MTHFD2L: variants seen among roughly 807,000 people sequenced by gnomAD.
MTHFD2L encodes the protein methylenetetrahydrofolate dehydrogenase (NADP+ dependent) 2 like.
A neutral mutation model predicts 34.9 loss-of-function variants in MTHFD2L; 29 were observed. That is an observed-to-expected ratio of 0.83 (90% CI 0.62 to 1.13). The LOEUF (loss-of-function observed/expected upper bound fraction) is 1.13. Among genes scored for constraint, MTHFD2L ranks in the 50% most tolerant of loss-of-function variants. MTHFD2L has a pLI of 0.00. For synonymous variants in MTHFD2L, 167 were observed against 155.7 expected, an observed-to-expected ratio of 1.07 and a Z score of -0.54; for missense variants, 481 against 446.5, an observed-to-expected ratio of 1.08 and a Z score of -0.70.
intron 6 of MTHFD2L, chr4:74,266,936 G>A: frequency 8.1e-6 from 8 of 985,326 alleles, no homozygotes; most frequent in Non-Finnish European, 9.6e-6. Context: ...CTGGCTTTCA[G>A]GAGGTACATC....
chr4:74,118,041 A>G (rs145620957), intron 2 of MTHFD2L, among the ~76,000 whole-genome samples: 1 of 152,298 alleles, frequency 6.6e-6, no homozygotes. Flanking sequence ...TATCCTATTT[A>G]CTGTTGTACT....
intron 6 of MTHFD2L, among the ~76,000 whole-genome samples, chr4:74,226,904 A>T (rs1739258028): frequency 6.6e-6 from 1 of 152,186 alleles, no homozygotes; most frequent in Non-Finnish European, 1.5e-5. Flanking sequence ...ATGAAACTGG[A>T]TGAAGGAATA....
chr4:74,175,505 T>A (rs1712004843), intron 3 of MTHFD2L, 102 bp downstream of exon 3: 8 of 1,246,610 alleles, frequency 6.4e-6, no homozygotes. Flanking sequence ...TAAAATACAT[T>A]CAGAAGGAGA....
chr4:74,130,879 C>T (rs1293511662), intron 1 of MTHFD2L, among the ~76,000 whole-genome samples: 1 of 152,142 alleles, frequency 6.6e-6, no homozygotes, highest in Admixed American at 6.6e-5. Context: ...TTATCAGCAA[C>T]TTCAGCAAAG....
chr4:74,260,027 C>T (rs979234415), intron 6 of MTHFD2L, among the ~76,000 whole-genome samples: 1 of 152,158 alleles, frequency 6.6e-6, no homozygotes, highest in Admixed American at 6.5e-5. Context: ...TATGATCATG[C>T]TCCACTACAG....
intron 6 of MTHFD2L, chr4:74,241,537 A>G (rs1290378931): frequency 1.4e-5 from 6 of 435,658 alleles, no homozygotes; most frequent in Admixed American, 9.9e-5. Flanking sequence ...GCACACCACC[A>G]TGCGTAGCTA....
In MTHFD2L at chr4:74,253,829, C is replaced by A. The variant is rs538432987; in HGVS notation, c.806-27596C>A. On this transcript the variant is annotated intron_variant, in intron 6 of 7. Coordinates refer to ENST00000325278, the MANE Select transcript of MTHFD2L (RefSeq NM_001144978.3). Reference sequence around the variant, plus strand: ...ACACCAGGACCCAGGCCTGCCCATGCAGACTCAGGCCCCAGGTCTACCTCA... The same window carrying A: ...ACACCAGGACCCAGGCCTGCCCATGAAGACTCAGGCCCCAGGTCTACCTCA... Among the ~76,000 whole-genome samples, 3 of 152,296 alleles carry A rather than the reference C, an allele frequency of 2.0e-5. No homozygotes were observed. In the East Asian group the frequency reaches 5.8e-4, roughly 29 times the overall value.
intron 5 of MTHFD2L, among the ~76,000 whole-genome samples, chr4:74,215,071 C>G (rs1736970007): frequency 6.6e-6 from 1 of 151,658 alleles, no homozygotes; most frequent in Non-Finnish European, 1.5e-5. Flanking sequence ...CTCAAGCATC[C>G]CAGGCCGACT....
chr4:74,174,419 G>A (rs1728621782), intron 1 of MTHFD2L, 87 bp from the exon 2 acceptor site: 1 of 1,060,148 alleles, frequency 9.4e-7, no homozygotes, highest in East Asian at 3.2e-5. Context: ...GAGAATCATG[G>A]TGGTTTTATT....
At chr4:74,178,974 G>A (rs940584400) in intron 3 of MTHFD2L, among the ~76,000 whole-genome samples, 4 of 152,018 alleles carry the variant, frequency 2.6e-5, no homozygotes, top group Non-Finnish European at 5.9e-5. Context: ...GCACATCAGT[G>A]TTATCTAGTG....
intron 1 of MTHFD2L, among the ~76,000 whole-genome samples, chr4:74,145,854 C>A (rs1226361124): frequency 6.6e-6 from 1 of 152,172 alleles, no homozygotes; most frequent in Non-Finnish European, 1.5e-5. Flanking sequence ...CTTGGTCCTG[C>A]TTCTCCTCCT....
upstream of MTHFD2L, among the ~76,000 whole-genome samples, chr4:74,156,281 C>T (rs938436950): frequency 1.3e-5 from 2 of 152,172 alleles, no homozygotes; most frequent in African/African-American, 4.8e-5. Flanking sequence ...GATCTTTTAA[C>T]TGACTCTATA....
intron 1 of MTHFD2L, among the ~76,000 whole-genome samples, chr4:74,173,546 TTGAG>T (rs1332781534): frequency 2.3e-4 from 35 of 152,300 alleles, no homozygotes; most frequent in African/African-American, 8.4e-4. Flanking sequence ...ACATTTTTCT[TTGAG>T]TAAGTTAAAA....
intron 1 of MTHFD2L, among the ~76,000 whole-genome samples, chr4:74,172,520 A>G (rs1317569716): frequency 2.0e-5 from 3 of 152,186 alleles, no homozygotes; most frequent in Admixed American, 6.5e-5. Flanking sequence ...TGTCTAACCA[A>G]TTTGCTCAGT....
At chr4:74,184,979 C>T (rs1730880980) in intron 3 of MTHFD2L, among the ~76,000 whole-genome samples, 1 of 151,438 alleles carries the variant, frequency 6.6e-6, no homozygotes, top group Non-Finnish European at 1.5e-5. Flanking sequence ...GAAACCCCGT[C>T]TCTACTAAAA....
upstream of MTHFD2L, among the ~76,000 whole-genome samples, chr4:74,120,664 A>G (rs1425907678): frequency 6.6e-6 from 1 of 152,218 alleles, no homozygotes; most frequent in Non-Finnish European, 1.5e-5. Context: ...TGTGATTAAA[A>G]TTATTAACCA....
At chr4:74,254,101 A>G (rs1336791613) in intron 6 of MTHFD2L, among the ~76,000 whole-genome samples, 1 of 152,228 alleles carries the variant, frequency 6.6e-6, no homozygotes, top group Non-Finnish European at 1.5e-5. Flanking sequence ...GAAGAAACAG[A>G]GAACAAAATG....
chr4:74,286,941 T>C (rs1748255110), intron 7 of MTHFD2L, among the ~76,000 whole-genome samples: 3 of 152,298 alleles, frequency 2.0e-5, no homozygotes, highest in African/African-American at 7.2e-5. Context: ...AAATGATGTG[T>C]AGGCATTTTT....
intron 7 of MTHFD2L, among the ~76,000 whole-genome samples, chr4:74,286,968 A>G (rs1011964304): frequency 1.3e-5 from 2 of 152,224 alleles, no homozygotes; most frequent in African/African-American, 2.4e-5. Flanking sequence ...GTAAAAATAA[A>G]TGAGGTTAAT....
Sources: allele counts gnomAD v4.1 joint callset (sites outside exome capture counted in the v4.1 genomes callset), GRCh38; gene constraint gnomAD v4.1.1; transcripts MANE v1.5; gene names NCBI Gene and HGNC (gene_info 2026-07-23, HGNC 2026-07-21).